Variants in BACH2 observed in about 807,000 individuals in gnomAD.
BACH2 encodes the protein transcription regulator protein BACH2.
A neutral mutation model predicts 61.8 loss-of-function variants in BACH2; 5 were observed. That is an observed-to-expected ratio of 0.08 (90% confidence interval 0.04 to 0.17). BACH2 has a LOEUF of 0.17. Among genes scored for constraint, BACH2 ranks in the 10% least tolerant of loss-of-function variants. The pLI is 1.00. For synonymous variants in BACH2, 446 were observed against 440.1 expected (o/e 1.01, Z -0.17); for missense variants, 824 against 1,091.1 (o/e 0.76, Z 3.45).
At position 90,174,214 on chromosome 6, in the gene BACH2, A is replaced by G. The variant is rs1195378377; in HGVS notation, c.-162+32355T>C. Among the ~76,000 whole-genome samples, 4 of 152,206 alleles carry G rather than the reference A, an allele frequency of 2.6e-5. No individual in the cohort carries two copies. The East Asian group carries it at 7.7e-4, about 29-fold the overall frequency. On this transcript the variant is annotated intron_variant, in intron 4 of 8. Transcript: ENST00000257749. The stretch of plus-strand genomic sequence containing the variant: ...GTAATTCAAATCTAATAATTTCCAA[A>G]GAAAAATAATGTGTCTAAATTTGGG...
chr6:90,110,982 A>AT, intron 4 of BACH2, among the ~76,000 whole-genome samples: 2 of 152,308 alleles, frequency 1.3e-5, no homozygotes, highest in South Asian at 4.1e-4. Context: ...TCTGAAGTGA[A>AT]ATTGGCATTC....
At chr6:90,258,806 CTTT>C (rs1299286592) in intron 2 of BACH2, among the ~76,000 whole-genome samples, 2 of 151,732 alleles carry the variant, frequency 1.3e-5, no homozygotes, top group Admixed American at 6.6e-5. Context: ...GTATTTTGTT[CTTT>C]TTGATGCTTT....
chr6:89,991,065 T>TA (rs1409731672), intron 6 of BACH2, among the ~76,000 whole-genome samples: 2 of 152,224 alleles, frequency 1.3e-5, no homozygotes, highest in East Asian at 3.8e-4. Context: ...TTCTAGGACT[T>TA]ACAATAATTT....
chr6:90,166,649 C>A (rs183945525), intron 4 of BACH2, among the ~76,000 whole-genome samples: 1 of 152,086 alleles, frequency 6.6e-6, no homozygotes, highest in Non-Finnish European at 1.5e-5. Flanking sequence ...AGATTTGGAA[C>A]CAACCCAAAT....
chr6:90,032,051 G>A (rs1250369199), intron 5 of BACH2, among the ~76,000 whole-genome samples: 7 of 152,000 alleles, frequency 4.6e-5, no homozygotes, highest in Non-Finnish European at 7.4e-5. Flanking sequence ...AAATAATGCC[G>A]CATATCTACA....
At position 89,950,879 on chromosome 6, in the gene BACH2, C is replaced by T. The variant is rs144958455; in HGVS notation, c.1227G>A (p.Ser409=). The T allele has an allele frequency of 5.0e-6, 8 of 1,606,700 alleles. No individual in the cohort carries two copies. Among genetic ancestry groups the T allele is most frequent in the African/African-American group, 4.0e-5 (3 of 74,892 alleles). The part of the protein sequence containing the change: ...QKEVSNFTMG[S]PLRGPGLEAL... ...CCTCCAACCCAGGCCCCCTGAGGGGCGACCCCATGGTGAAGTTGGACACCT... is the reference window on the plus strand; with the variant it reads ...CCTCCAACCCAGGCCCCCTGAGGGGTGACCCCATGGTGAAGTTGGACACCT... Residue 409 remains serine, a synonymous_variant, in exon 7 of 9, where the codon TCG becomes TCA. Coordinates refer to ENST00000257749, the MANE Select transcript of BACH2 (RefSeq NM_021813.4). The surrounding 1 kb of genome is among the most constrained non-coding windows in gnomAD (Gnocchi z 5.3).
Position 89,932,748 on chromosome 6 carries a change from T to C in BACH2, c.2186A>G (p.Tyr729Cys). The C allele has an allele frequency of 6.2e-7, 1 of 1,614,112 alleles. No homozygotes were observed. Among genetic ancestry groups the C allele is most frequent in the African/African-American group, 1.3e-5 (1 of 75,038 alleles). Residue 729 changes from tyrosine (Y) to cysteine (C), a missense_variant, in exon 9 of 9, where the codon TAT becomes TGT. Physicochemically the swap from Tyr to Cys is radical, Grantham distance 194. Transcript: ENST00000257749. ...GTCCATGGGTCTGAGGACAGGGCAA[T>C]ACCGATGCAGGGCCTGGATCTGCTC... ...SPEQIQALHR[Y>C]CPVLRPMDLP...
At chr6:90,054,700 G>T (rs1440051724) in intron 5 of BACH2, among the ~76,000 whole-genome samples, 1 of 152,114 alleles carries the variant, frequency 6.6e-6, no homozygotes, top group African/African-American at 2.4e-5. Flanking sequence ...GACCCCCGAG[G>T]AGCCTAACTG....
intron 4 of BACH2, among the ~76,000 whole-genome samples, chr6:90,109,654 T>C (rs1783079931): frequency 6.6e-6 from 1 of 152,194 alleles, no homozygotes; most frequent in South Asian, 2.1e-4. Flanking sequence ...AATTATTGTT[T>C]CCATCCTCCC....
chr6:90,020,693 G>A (rs905190674), intron 5 of BACH2, among the ~76,000 whole-genome samples: 7 of 151,962 alleles, frequency 4.6e-5, no homozygotes, highest in Non-Finnish European at 7.4e-5. Context: ...GTCTGCTTTT[G>A]ACTGGCCAAT....
chr6:90,053,605 A>C (rs1780163856), intron 5 of BACH2, among the ~76,000 whole-genome samples: 2 of 152,204 alleles, frequency 1.3e-5, no homozygotes, highest in Admixed American at 1.3e-4. Flanking sequence ...AAGTTCCTTC[A>C]GTGTAAGTCT....
At chr6:90,043,497 TCCCTCCCTTCC>T (rs1779640284) in intron 5 of BACH2, among the ~76,000 whole-genome samples, 1 of 135,322 alleles carries the variant, frequency 7.4e-6, no homozygotes, top group Non-Finnish European at 1.7e-5. Context: ...CCTCTCTCCC[TCCCTCCCTTCC>T]TCCCTCCCTT....
chr6:89,955,443 G>C (rs925195311), intron 6 of BACH2, among the ~76,000 whole-genome samples: 1 of 152,214 alleles, frequency 6.6e-6, no homozygotes, highest in Non-Finnish European at 1.5e-5. Context: ...CTGAGGCTGA[G>C]GGGACTAGCA....
At chr6:89,938,099 C>T in intron 8 of BACH2, 45 bp downstream of exon 8, 1 of 1,565,282 alleles carries the variant, frequency 6.4e-7, no homozygotes, top group African/African-American at 1.3e-5. Flanking sequence ...TTACATTAGT[C>T]CTGGTCACTT....
chr6:90,255,223 C>T (rs2127872330), intron 2 of BACH2, among the ~76,000 whole-genome samples: 2 of 152,304 alleles, frequency 1.3e-5, no homozygotes, highest in Middle Eastern at 6.8e-3. Flanking sequence ...AAGACTGATT[C>T]TCCAAACTGA....
At chr6:90,150,329 T>A (rs367817892) in intron 4 of BACH2, among the ~76,000 whole-genome samples, 2 of 152,350 alleles carry the variant, frequency 1.3e-5, no homozygotes, top group East Asian at 1.9e-4. Flanking sequence ...TATTTTACAA[T>A]GGATAAACCC....
chr6:90,100,862 T>C (rs559016728), intron 4 of BACH2, among the ~76,000 whole-genome samples: 11 of 152,214 alleles, frequency 7.2e-5, no homozygotes, highest in Non-Finnish European at 7.4e-5. Flanking sequence ...AGCAGGACAA[T>C]CCCACCAGCA....
At position 89,950,144 on chromosome 6, in the gene BACH2, G is replaced by T; in HGVS notation, c.1836+126C>A. 8.9e-7 allele frequency: 1 copy of T among 1,128,314 alleles called. No individual in the cohort carries two copies. The highest frequency in any genetic ancestry group is 1.3e-6 in the Non-Finnish European group (1 of 752,450). The allele number at this position is 1,128,314 out of a possible 1,614,324, so 69.9% of individuals were successfully genotyped here. A position where few individuals can be genotyped will look rare whatever the true frequency, so the allele number is the denominator to read the frequency against. The stretch of plus-strand genomic sequence containing the variant: ...CCTGCCTCTGTGGATGGGGAAGGCA[G>T]TCTCTCTACTGTCATCTTTAATCTT... On this transcript the variant is annotated intron_variant, in intron 7 of 8. Transcript: ENST00000257749. The surrounding 1 kb of genome is among the most constrained non-coding windows in gnomAD (Gnocchi z 5.3).
rs1477204118 is a variant in BACH2 at position 90,202,250 on chromosome 6, C to G, written c.-162+4319G>C. Reference sequence around the variant, plus strand: ...GTGAGAGAGGCAGGGATAATAAAGTCTGGACTTCACAGCTTCATATGAAGG... The same window carrying G: ...GTGAGAGAGGCAGGGATAATAAAGTGTGGACTTCACAGCTTCATATGAAGG... On this transcript the variant is annotated intron_variant, in intron 4 of 8. Coordinates refer to ENST00000257749, the MANE Select transcript of BACH2 (RefSeq NM_021813.4). 2.0e-5 allele frequency among the ~76,000 whole-genome samples: 3 copies of G among 152,088 alleles called. No individual in the cohort carries two copies. The East Asian group carries it at 5.8e-4, about 29-fold the overall frequency.
Sources: allele counts gnomAD v4.1 joint callset (sites outside exome capture counted in the v4.1 genomes callset), GRCh38; gene constraint gnomAD v4.1.1; non-coding constraint Gnocchi (gnomAD v3.1); transcripts MANE v1.5; gene names NCBI Gene and HGNC (gene_info 2026-07-23, HGNC 2026-07-21).